The following FXYD5 variants were observed in gnomAD, a reference collection of about 807,000 sequenced individuals.
The protein encoded by FXYD5 is FXYD domain containing ion transport regulator 5, also known as FXYD domain-containing ion transport regulator 5.
Under a neutral mutation model 25.7 loss-of-function variants are expected in FXYD5, and 21 were observed. That is an observed-to-expected ratio of 0.82 (90% CI 0.58 to 1.18). FXYD5 has a LOEUF of 1.18. Ranked by LOEUF, FXYD5 falls within the 50% of genes most tolerant of loss-of-function variation. FXYD5 has a pLI of 0.00. For synonymous variants in FXYD5, 101 were observed against 90.7 expected (o/e 1.11, Z -0.64); for missense variants, 229 against 227.7 (o/e 1.01, Z -0.04).
At chr19:35,169,526 T>G (rs1295515164) in intron 8 of FXYD5, 40 bp from the exon 9 acceptor site, 1 of 1,472,850 alleles carries the variant, frequency 6.8e-7, no homozygotes, top group Admixed American at 1.7e-5. Flanking sequence ...AGAATCAATA[T>G]CACTCTAGCT....
chr19:35,164,376 C>A, intron 6 of FXYD5, 131 bp downstream of exon 6: 1 of 865,800 alleles, frequency 1.2e-6, no homozygotes, highest in African/African-American at 1.7e-5. Flanking sequence ...GACTTCAAGC[C>A]AGGCAGAGGG....
chr19:35,164,351 G>T, intron 6 of FXYD5, 106 bp downstream of exon 6: 1 of 1,154,914 alleles, frequency 8.7e-7, no homozygotes, highest in South Asian at 1.7e-5. Context: ...GTAAAGACGT[G>T]ATGGGAAAGT....
chr19:35,168,561 G>A lies in FXYD5; in HGVS notation c.488-1005G>A, dbSNP rs1020464735. On this transcript the variant is annotated intron_variant, in intron 8 of 8. Coordinates refer to ENST00000392219, the MANE Select transcript of FXYD5 (RefSeq NM_014164.6). ...GAGGAGAAGACGAGGCCAGAGAGCT[G>A]AGGGGCTGGAGGAGGCAAGGGTGGC... Among the ~76,000 whole-genome samples the A allele has an allele frequency of 3.3e-5, 5 of 152,292 alleles. No homozygotes were observed. In the South Asian group the frequency reaches 1.0e-3, roughly 32 times the overall value.
chr19:35,159,219 T>C (rs1471590320), intron 4 of FXYD5, among the ~76,000 whole-genome samples: 1 of 152,142 alleles, frequency 6.6e-6, no homozygotes, highest in Non-Finnish European at 1.5e-5. Context: ...AATAAAATGA[T>C]TGTAGGCAAA....
chr19:35,165,533 T>C (rs1240340641), intron 6 of FXYD5, among the ~76,000 whole-genome samples: 2 of 152,128 alleles, frequency 1.3e-5, no homozygotes, highest in East Asian at 3.8e-4. Flanking sequence ...GGGTTTTAAC[T>C]GGCTTCTTTA....
intron 8 of FXYD5, among the ~76,000 whole-genome samples, chr19:35,167,598 A>G (rs1281772997): frequency 6.6e-6 from 1 of 152,250 alleles, no homozygotes; most frequent in African/African-American, 2.4e-5. Context: ...TGTGGGTGAA[A>G]TAAAACACGA....
At chr19:35,161,051 C>T (rs761039627) in intron 5 of FXYD5, among the ~76,000 whole-genome samples, 1 of 152,152 alleles carries the variant, frequency 6.6e-6, no homozygotes, top group African/African-American at 2.4e-5. Context: ...CAAGGGGCAG[C>T]GTGCAGTATG....
rs200190054 is a variant in FXYD5 at position 35,166,256 on chromosome 19, C to T, written c.418C>T (p.His140Tyr). 4.3e-6 allele frequency: 7 copies of T among 1,612,158 alleles called. No homozygotes were observed. Among genetic ancestry groups the T allele is most frequent in the South Asian group, 1.1e-5 (1 of 91,044 alleles). Residue 140 changes from histidine to tyrosine, a missense_variant, in exon 8 of 9, where the codon CAC becomes TAC. By Grantham distance (83) the His-to-Tyr change is moderately conservative. Transcript: ENST00000392219. ...HEDDPFFYDEHTLRKRGLLVA... is the reference protein window; with the variant it reads ...HEDDPFFYDEYTLRKRGLLVA... ...CTTCATTTTTCTCTCTGCAGATGAA[C>T]ACACCCTCCGGAAACGGGGGCTGTT...
chr19:35,159,888 C>A, intron 4 of FXYD5: 1 of 420,238 alleles, frequency 2.4e-6, no homozygotes, highest in Non-Finnish European at 4.2e-6. Flanking sequence ...GGGCAAAGGA[C>A]ATGCATGCTT....
At chr19:35,164,274 C>T in intron 6 of FXYD5, 29 bp downstream of exon 6, 1 of 1,592,294 alleles carries the variant, frequency 6.3e-7, no homozygotes, top group Non-Finnish European at 8.6e-7. Flanking sequence ...AGACTGGAAA[C>T]AGGCTATTTT....
rs768777590 is a variant in FXYD5 at position 35,159,558 on chromosome 19, A to G, written c.200-1151A>G. 7.7e-6 allele frequency: 12 copies of G among 1,550,630 alleles called. No homozygotes were observed. The South Asian group carries it at 1.3e-4, about 17-fold the overall frequency. Reference sequence around the variant, plus strand: ...TATGGAGTCACACACTTCTTGATGAACATGTTGGCTGTTTCCAGCTTTTTC... The same window carrying G: ...TATGGAGTCACACACTTCTTGATGAGCATGTTGGCTGTTTCCAGCTTTTTC... On this transcript the variant is annotated intron_variant, in intron 4 of 8. Transcript: ENST00000392219.
chr19:35,169,493 C>T (rs2065479268), intron 8 of FXYD5, 73 bp from the exon 9 acceptor site: 2 of 1,134,862 alleles, frequency 1.8e-6, no homozygotes, highest in Non-Finnish European at 2.7e-6. Context: ...CAATCTGGTT[C>T]CCCAGCCCCA....
At chr19:35,161,477 A>G (rs564899193) in intron 5 of FXYD5, among the ~76,000 whole-genome samples, 2 of 152,158 alleles carry the variant, frequency 1.3e-5, no homozygotes, top group Non-Finnish European at 2.9e-5. Context: ...CATTATTTCT[A>G]GCCTGAGGCC....
intron 5 of FXYD5, among the ~76,000 whole-genome samples, chr19:35,163,433 C>G (rs2065423052): frequency 6.8e-6 from 1 of 147,756 alleles, no homozygotes; most frequent in Non-Finnish European, 1.5e-5. Flanking sequence ...AGAGAAGAAT[C>G]CTTTGGTATT....
Position 35,160,738 on chromosome 19 carries a change from C to A in FXYD5, c.229C>A (p.Gln77Lys). ...ACCACAACCCCAGACCCAGACCCAG[C>A]AACTGGAAGGAACGGATGGGCCTCT... is the stretch of plus-strand genomic sequence containing the variant. ...ETPQPQTQTQ[Q>K]LEGTDGPLVT... Residue 77 changes from glutamine to lysine, a missense_variant, in exon 5 of 9, where the codon CAA (glutamine) becomes AAA (lysine). Physicochemically the swap from Gln to Lys is moderately conservative, Grantham distance 53. Transcript: ENST00000392219. 3.7e-6 allele frequency: 6 copies of A among 1,613,552 alleles called. No homozygotes were observed. Among genetic ancestry groups the A allele is most frequent in the Non-Finnish European group, 4.2e-6 (5 of 1,179,578 alleles).
At chr19:35,161,251 A>G (rs74388313) in intron 5 of FXYD5, among the ~76,000 whole-genome samples, 10 of 6,104 alleles carry the variant, frequency 1.6e-3, no homozygotes, top group Non-Finnish European at 3.2e-3. Context: ...CACACACAAA[A>G]GAATGATTGG....
chr19:35,169,598 C>A lies in FXYD5; in HGVS notation c.520C>A (p.Arg174=), dbSNP rs202199564. 1 of 1,611,116 alleles carries A rather than the reference C, an allele frequency of 6.2e-7. No individual in the cohort carries two copies. The highest frequency in any genetic ancestry group is 1.1e-5 in the South Asian group (1 of 91,000). ...GTGCAGGCAGCTGTCCCGGTTATGC[C>A]GGAATCGTTGCAGGTGAGTCCATCA... ...GKCRQLSRLC[R]NRCR The change falls in exon 9 of 9, where the codon CGG becomes AGG. Residue 174 remains arginine (R), a synonymous_variant. Coordinates refer to ENST00000392219, the MANE Select transcript of FXYD5 (RefSeq NM_014164.6).
chr19:35,158,616 G>C (rs756617419), intron 4 of FXYD5, among the ~76,000 whole-genome samples: 15 of 152,064 alleles, frequency 9.9e-5, no homozygotes, highest in East Asian at 1.9e-4. Flanking sequence ...CATGCATATA[G>C]AAAAATACAA....
rs1428612560 is a variant in FXYD5, at chr19:35,155,603, C to T, written c.53C>T (p.Pro18Leu). The stretch of plus-strand genomic sequence containing the variant: ...CTCACCATCGTTGGCCTGATTCTCC[C>T]CACCAGAGGTAAGACCCATCTCTGG... The part of the protein sequence containing the change: ...CLLTIVGLIL[P>L]TRGQTLKDTT... The change falls in exon 2 of 9, where the codon CCC becomes CTC. Residue 18 changes from proline to leucine, a missense_variant. By Grantham distance (98) the Pro-to-Leu change is moderately conservative. Transcript: ENST00000392219. 4 of 1,608,614 alleles carry T rather than the reference C, an allele frequency of 2.5e-6. No individual in the cohort carries two copies. Among genetic ancestry groups the T allele is most frequent in the African/African-American group, 1.3e-5 (1 of 74,876 alleles).
Sources: gnomAD v4.1 joint callset for allele counts (sites outside exome capture counted in the v4.1 genomes callset) on GRCh38, gnomAD v4.1.1 for gene constraint, MANE v1.5 for transcripts, NCBI Gene and HGNC (gene_info 2026-07-23, HGNC 2026-07-21) for gene names.